Variants in SRBD1 observed in about 807,000 individuals in gnomAD.
SRBD1 encodes the protein S1 RNA-binding domain-containing protein 1.
A neutral mutation model predicts 115.3 loss-of-function variants in SRBD1; 88 were observed. The observed-to-expected ratio is 0.76, with a 90% confidence interval of 0.64 to 0.91. SRBD1 has a LOEUF of 0.91. Among genes scored for constraint, SRBD1 ranks in the 40% least tolerant of loss-of-function variants. The pLI, the probability that SRBD1 is intolerant of heterozygous loss-of-function variation, is 0.00. For synonymous variants in SRBD1, 509 were observed against 407.7 expected (o/e 1.25, Z -2.99); for missense variants, 1,385 against 1,177.4 (o/e 1.18, Z -2.58).
At chr2:45,599,937 A>C (rs1272892439) in intron 3 of SRBD1, 102 bp from the exon 4 acceptor site, 1 of 1,306,842 alleles carries the variant, frequency 7.7e-7, no homozygotes, top group Non-Finnish European at 1.0e-6. Context: ...GATACACACA[A>C]TAACTTGGAA....
intron 4 of SRBD1, among the ~76,000 whole-genome samples, chr2:45,592,658 A>T (rs1294676398): frequency 1.3e-5 from 2 of 152,176 alleles, no homozygotes; most frequent in African/African-American, 4.8e-5. Flanking sequence ...GACATCAGTA[A>T]CTTGGATACC....
chr2:45,432,046 T>TTTATTTAC (rs1172313682), intron 16 of SRBD1, among the ~76,000 whole-genome samples: 4 of 148,046 alleles, frequency 2.7e-5, no homozygotes, highest in Non-Finnish European at 6.0e-5. Context: ...TATTTATTTA[T>TTTATTTAC]TGAGATGGTG....
intron 1 of SRBD1, among the ~76,000 whole-genome samples, chr2:45,610,989 G>A (rs1674431844): frequency 6.6e-6 from 1 of 152,060 alleles, no homozygotes; most frequent in Non-Finnish European, 1.5e-5. Context: ...AAGAGCTGCA[G>A]CAATTTGGCT....
At chr2:45,527,103 C>T (rs67687878) in intron 14 of SRBD1, among the ~76,000 whole-genome samples, 54,315 of 151,570 alleles carry the variant, frequency 0.36, 10,775 homozygotes, top group Non-Finnish European at 0.46. Context: ...CTTCCATAGT[C>T]CTTATGGGAG....
At chr2:45,523,975 CCA>C (rs1345157670) in intron 14 of SRBD1, among the ~76,000 whole-genome samples, 1 of 151,866 alleles carries the variant, frequency 6.6e-6, no homozygotes. Context: ...GGGATTTATC[CCA>C]AAAATGCAAG....
In SRBD1 at chr2:45,509,504, G is replaced by A. The variant is rs150142835; in HGVS notation, c.1875-21173C>T. Among the ~76,000 whole-genome samples the A allele has an allele frequency of 6.0e-3, 904 of 151,898 alleles. 8 individuals carry two copies. The highest frequency in any genetic ancestry group is 0.021 in the African/African-American group (879 of 41,414). ...CCAGCTACACGGGAGGCTGAGGCAG[G>A]AGAATGGCGTGAACCCAGGAGGCGG... is the stretch of plus-strand genomic sequence containing the variant. On this transcript the variant is annotated intron_variant, in intron 14 of 20. Transcript: ENST00000263736.
At chr2:45,581,459 CT>C (rs1317913767) in intron 6 of SRBD1, among the ~76,000 whole-genome samples, 1 of 152,148 alleles carries the variant, frequency 6.6e-6, no homozygotes, top group African/African-American at 2.4e-5. Context: ...CCCTACTTGA[CT>C]GGAAATTCCT....
At chr2:45,480,246 T>A (rs1669920705) in intron 15 of SRBD1, among the ~76,000 whole-genome samples, 1 of 152,190 alleles carries the variant, frequency 6.6e-6, no homozygotes, top group Non-Finnish European at 1.5e-5. Context: ...TCAAGTCTTA[T>A]TTTTTAAGAA....
intron 2 of SRBD1, among the ~76,000 whole-genome samples, chr2:45,603,911 T>G (rs912581532): frequency 6.6e-6 from 1 of 152,154 alleles, no homozygotes; most frequent in Non-Finnish European, 1.5e-5. Flanking sequence ...TTCACCTGAA[T>G]GTCCAGCAAT....
At chr2:45,401,115 T>C (rs747040190) in intron 19 of SRBD1, among the ~76,000 whole-genome samples, 2 of 152,144 alleles carry the variant, frequency 1.3e-5, no homozygotes, top group African/African-American at 4.8e-5. Context: ...TGTTACTTCT[T>C]GGGAACTAGA....
At chr2:45,573,580 A>C (rs1395500290) in intron 8 of SRBD1, among the ~76,000 whole-genome samples, 2 of 152,204 alleles carry the variant, frequency 1.3e-5, no homozygotes, top group Non-Finnish European at 2.9e-5. Flanking sequence ...AAAATGCCTA[A>C]ATGAATTCAG....
At chr2:45,547,900 A>T (rs1447767670) in intron 12 of SRBD1, among the ~76,000 whole-genome samples, 1 of 152,230 alleles carries the variant, frequency 6.6e-6, no homozygotes, top group Non-Finnish European at 1.5e-5. Flanking sequence ...TAATAGTAGC[A>T]AAAGCAAACA....
At chr2:45,471,136 G>A (rs1669637009) in intron 16 of SRBD1, among the ~76,000 whole-genome samples, 1 of 151,988 alleles carries the variant, frequency 6.6e-6, no homozygotes, top group Non-Finnish European at 1.5e-5. Context: ...TGATTGTAAG[G>A]GAAATCTATT....
rs1030683789 is a variant in SRBD1 at position 45,599,044 on chromosome 2, T to C, written c.648+405A>G. ...ATCGCTAGGCCTTGTTGTAGTACAT[T>C]ACAACATTATACTAAGGGTTAAATA... On this transcript the variant is annotated intron_variant, in intron 4 of 20. Transcript: ENST00000263736. Among the ~76,000 whole-genome samples the C allele has an allele frequency of 2.9e-4, 44 of 152,220 alleles. 1 individual carries two copies. Among genetic ancestry groups the C allele is most frequent in the African/African-American group, 9.9e-4 (41 of 41,440 alleles).
rs1191973742 is a variant in SRBD1, at chr2:45,572,428, A to G, written c.1305+779T>C. On this transcript the variant is annotated intron_variant, in intron 9 of 20. Transcript: ENST00000263736. ...TATGCTTAAAAATGGTTATGATGGT[A>G]CATTTTATGTTATGTTCATCTTACC... 2.0e-5 allele frequency among the ~76,000 whole-genome samples: 3 copies of G among 152,278 alleles called. No individual in the cohort carries two copies. The East Asian group carries it at 5.8e-4, about 29-fold the overall frequency.
At chr2:45,587,571 G>A (rs917792723) in intron 4 of SRBD1, among the ~76,000 whole-genome samples, 4 of 152,040 alleles carry the variant, frequency 2.6e-5, no homozygotes, top group African/African-American at 7.2e-5. Context: ...AAGAATTATC[G>A]TAATCAACTG....
chr2:45,472,361 G>C (rs1477576338), intron 16 of SRBD1, among the ~76,000 whole-genome samples: 1 of 152,170 alleles, frequency 6.6e-6, no homozygotes. Flanking sequence ...TCTTTTTGGG[G>C]TGATAAAAAT....
intron 19 of SRBD1, among the ~76,000 whole-genome samples, chr2:45,411,112 T>C (rs1347336644): frequency 6.6e-6 from 1 of 152,138 alleles, no homozygotes; most frequent in African/African-American, 2.4e-5. Context: ...TTCTGAGCCC[T>C]CAACCTGTGG....
intron 16 of SRBD1, among the ~76,000 whole-genome samples, chr2:45,425,689 G>A (rs753425285): frequency 2.0e-5 from 3 of 152,072 alleles, no homozygotes; most frequent in Non-Finnish European, 4.4e-5. Flanking sequence ...GGTGGAAAGC[G>A]CAAGGAGTCA....
Sources: gnomAD v4.1 joint callset for allele counts (sites outside exome capture counted in the v4.1 genomes callset) on GRCh38, gnomAD v4.1.1 for gene constraint, MANE v1.5 for transcripts, NCBI Gene and HGNC (gene_info 2026-07-23, HGNC 2026-07-21) for gene names.